PPP1R16B: variants seen among roughly 807,000 people sequenced by gnomAD.
The protein encoded by PPP1R16B is protein phosphatase 1 regulatory inhibitor subunit 16B.
PPP1R16B carries 14 observed loss-of-function variants against 61.7 expected under a neutral mutation model. The observed-to-expected ratio is 0.23, with a 90% CI of 0.15 to 0.35. PPP1R16B has a LOEUF of 0.35. PPP1R16B is among the 10% of genes least tolerant of loss of function. The pLI, the probability that PPP1R16B is intolerant of heterozygous loss-of-function variation, is 1.00. For missense variants in PPP1R16B, 547 were observed against 752.5 expected, an observed-to-expected ratio of 0.73 and a Z score of 3.19; for synonymous variants, 266 against 305.3, an observed-to-expected ratio of 0.87 and a Z score of 1.34.
chr20:38,910,656 C>G (rs2085481444), intron 10 of PPP1R16B, among the ~76,000 whole-genome samples: 1 of 151,640 alleles, frequency 6.6e-6, no homozygotes, highest in Non-Finnish European at 1.5e-5. Flanking sequence ...ACCTCAGCCT[C>G]TTGGGTAGCT....
intron 10 of PPP1R16B, among the ~76,000 whole-genome samples, chr20:38,910,292 T>C (rs1181216804): frequency 2.0e-5 from 3 of 151,740 alleles, no homozygotes; most frequent in Admixed American, 6.6e-5. Flanking sequence ...AGTAGACAAA[T>C]CTTAAATGAG....
At chr20:38,845,846 C>A (rs1401202772) in intron 2 of PPP1R16B, among the ~76,000 whole-genome samples, 1 of 152,204 alleles carries the variant, frequency 6.6e-6, no homozygotes, top group Non-Finnish European at 1.5e-5. Flanking sequence ...TTCCTGGTTG[C>A]TGAGTGCAGA....
At chr20:38,902,824 C>T in intron 6 of PPP1R16B, 32 bp downstream of exon 6, 2 of 1,613,490 alleles carry the variant, frequency 1.2e-6, no homozygotes, top group South Asian at 2.2e-5. Context: ...AAAACCAAGA[C>T]CAGCTAGGTC....
intron 7 of PPP1R16B, 152 bp downstream of exon 7, chr20:38,906,246 A>G (rs1042840281): frequency 2.4e-5 from 10 of 420,388 alleles, no homozygotes; most frequent in Admixed American, 4.8e-5. Context: ...GAAAAGGCCT[A>G]GGGAGTTTGC....
intron 2 of PPP1R16B, among the ~76,000 whole-genome samples, chr20:38,878,053 C>T (rs754073936): frequency 1.1e-4 from 15 of 135,450 alleles, no homozygotes; most frequent in Admixed American, 3.4e-4. Context: ...GTTTGGATGT[C>T]GGTCATCTTG....
intron 6 of PPP1R16B, among the ~76,000 whole-genome samples, chr20:38,904,670 G>C (rs929919742): frequency 6.6e-6 from 1 of 151,534 alleles, no homozygotes; most frequent in Non-Finnish European, 1.5e-5. Flanking sequence ...AAAAAAAAAA[G>C]CTTCAAGCAA....
chr20:38,907,173 T>A lies in PPP1R16B; in HGVS notation c.898+119T>A. 1.3e-6 allele frequency: 1 copy of A among 767,478 alleles called. No homozygotes were observed. The highest frequency in any genetic ancestry group is 1.7e-5 in the African/African-American group (1 of 58,578). 47.5% of individuals were successfully genotyped at this position (767,478 alleles called of 1,614,324 possible). On this transcript the variant is annotated intron_variant, in intron 8 of 10. Coordinates refer to ENST00000299824, the MANE Select transcript of PPP1R16B (RefSeq NM_015568.4). The surrounding 1 kb of genome is among the most constrained non-coding windows in gnomAD (Gnocchi z 4.5). ...ATTGATGGATTGGTGTCTAGATAGA[T>A]AGATGGATTAATTAATGGATGGTAG...
intron 4 of PPP1R16B, among the ~76,000 whole-genome samples, chr20:38,897,078 G>A (rs564339638): frequency 3.9e-5 from 6 of 152,032 alleles, no homozygotes; most frequent in South Asian, 2.1e-4. Context: ...CCCAGGAGGC[G>A]GAGTTTGCGA....
chr20:38,865,010 G>C (rs2085080469), intron 2 of PPP1R16B, among the ~76,000 whole-genome samples: 1 of 152,106 alleles, frequency 6.6e-6, no homozygotes. Context: ...CTCGGCCCTG[G>C]TTCTCTGGGG....
rs528031786 is a variant in PPP1R16B at position 38,824,460 on chromosome 20, A to C, written c.-101-11365A>C. On this transcript the variant is annotated intron_variant, in intron 1 of 10. Transcript: ENST00000299824. Reference sequence around the variant, plus strand: ...TTAAAGATGGTTATGGTTCCTTTAGAGATTTTCCCAGTTCCTTCTTCTCCT... The same window carrying C: ...TTAAAGATGGTTATGGTTCCTTTAGCGATTTTCCCAGTTCCTTCTTCTCCT... 3.3e-5 allele frequency among the ~76,000 whole-genome samples: 5 copies of C among 152,180 alleles called. 1 individual carries two copies. In the South Asian group the frequency reaches 1.0e-3, roughly 31 times the overall value.
chr20:38,889,833 C>T (rs1364999601), intron 3 of PPP1R16B, among the ~76,000 whole-genome samples, 168 bp downstream of exon 3: 1 of 152,208 alleles, frequency 6.6e-6, no homozygotes, highest in African/African-American at 2.4e-5. Context: ...TGGAGATACG[C>T]GTGTCTGTTA....
Position 38,863,885 on chromosome 20 carries a change from A to G in PPP1R16B, c.251-25710A>G, listed in dbSNP as rs974027540. Among the ~76,000 whole-genome samples the G allele has an allele frequency of 4.6e-5, 7 of 152,244 alleles. No homozygotes were observed. In the East Asian group the frequency reaches 1.2e-3, roughly 25 times the overall value. ...CATAAGTCTACATAAACACTTGTCTACAAATGTTCATAGCCACATTTCTCA... is the reference window on the plus strand; with the variant it reads ...CATAAGTCTACATAAACACTTGTCTGCAAATGTTCATAGCCACATTTCTCA... On this transcript the variant is annotated intron_variant, in intron 2 of 10. Transcript: ENST00000299824.
intron 1 of PPP1R16B, among the ~76,000 whole-genome samples, chr20:38,815,503 A>G (rs1252303270): frequency 1.3e-5 from 2 of 152,226 alleles, no homozygotes; most frequent in Non-Finnish European, 1.5e-5. Flanking sequence ...ATATCTTTGT[A>G]TACTCTACAT....
chr20:38,894,794 C>T (rs2145765247), intron 3 of PPP1R16B, among the ~76,000 whole-genome samples: 1 of 152,348 alleles, frequency 6.6e-6, no homozygotes, highest in Admixed American at 6.5e-5. Flanking sequence ...CTTTTCCTCC[C>T]TGTCCCTGGA....
intron 1 of PPP1R16B, among the ~76,000 whole-genome samples, chr20:38,808,436 G>A (rs1483557682): frequency 6.6e-6 from 1 of 152,082 alleles, no homozygotes; most frequent in African/African-American, 2.4e-5. Flanking sequence ...TGACCAGGAG[G>A]TCCCAACTGG....
chr20:38,898,985 G>T (rs1468760626), intron 4 of PPP1R16B, among the ~76,000 whole-genome samples: 1 of 152,188 alleles, frequency 6.6e-6, no homozygotes, highest in Non-Finnish European at 1.5e-5. Flanking sequence ...AAAGCCAGGG[G>T]TTTTAAGTAC....
At chr20:38,898,204 G>A (rs548985703) in intron 4 of PPP1R16B, among the ~76,000 whole-genome samples, 2 of 152,230 alleles carry the variant, frequency 1.3e-5, no homozygotes, top group East Asian at 1.9e-4. Flanking sequence ...TTTTGCATGC[G>A]GATATCCAAT....
At chr20:38,868,999 A>G (rs2085108206) in intron 2 of PPP1R16B, among the ~76,000 whole-genome samples, 1 of 152,098 alleles carries the variant, frequency 6.6e-6, no homozygotes, top group Admixed American at 6.5e-5. Flanking sequence ...GGACACTGCC[A>G]TCAGTCCAAA....
At chr20:38,903,185 G>T (rs951442317) in intron 6 of PPP1R16B, among the ~76,000 whole-genome samples, 15 of 152,150 alleles carry the variant, frequency 9.9e-5, no homozygotes, top group Admixed American at 2.6e-4. Context: ...GGGGCTTGGA[G>T]TTAGGAGCCT....
Sources: allele counts gnomAD v4.1 joint callset (sites outside exome capture counted in the v4.1 genomes callset), GRCh38; gene constraint gnomAD v4.1.1; non-coding constraint Gnocchi (gnomAD v3.1); transcripts MANE v1.5; gene names NCBI Gene and HGNC (gene_info 2026-07-23, HGNC 2026-07-21).